Variants in NALF1 observed in about 807,000 individuals in gnomAD.
NALF1 encodes NALCN channel auxiliary factor 1.
In NALF1, 3 loss-of-function variants were observed where a neutral mutation model predicts 48.4. The ratio of observed to expected loss-of-function variants is 0.06; its 90% CI spans 0.03 to 0.16. NALF1 has a LOEUF of 0.16. Among genes scored for constraint, NALF1 ranks in the 10% least tolerant of loss-of-function variants. The probability of loss-of-function intolerance (pLI) is 1.00; values close to 1 mark genes in which losing one functional copy is unlikely to be tolerated. For missense variants in NALF1, 526 were observed against 571.5 expected, an observed-to-expected ratio of 0.92 and a Z score of 0.81; for synonymous variants, 262 against 245.7, an observed-to-expected ratio of 1.07 and a Z score of -0.62.
chr13:107,675,559 T>C (rs548444222), intron 1 of NALF1, among the ~76,000 whole-genome samples: 8 of 152,230 alleles, frequency 5.3e-5, no homozygotes, highest in Admixed American at 5.2e-4. Context: ...ATTGAAGTCC[T>C]CAAATAAGTG....
intron 1 of NALF1, among the ~76,000 whole-genome samples, chr13:107,820,032 T>C (rs1378334477): frequency 2.0e-5 from 3 of 152,148 alleles, no homozygotes; most frequent in African/African-American, 7.2e-5. Context: ...CTTCAGACAC[T>C]GCTTTTCTTT....
At chr13:107,177,820 C>A (rs571917570) in intron 2 of NALF1, among the ~76,000 whole-genome samples, 2 of 152,316 alleles carry the variant, frequency 1.3e-5, no homozygotes, top group African/African-American at 4.8e-5. Flanking sequence ...GAGTCCAAGG[C>A]AGATGGATCA....
At chr13:107,455,659 C>A (rs778211874) in intron 1 of NALF1, among the ~76,000 whole-genome samples, 20 of 152,124 alleles carry the variant, frequency 1.3e-4, no homozygotes, top group Non-Finnish European at 2.5e-4. Context: ...AGAGTAGTTT[C>A]ACTGCCATAA....
intron 1 of NALF1, among the ~76,000 whole-genome samples, chr13:107,337,225 C>T (rs1448562152): frequency 2.0e-5 from 3 of 151,952 alleles, no homozygotes; most frequent in Non-Finnish European, 4.4e-5. Flanking sequence ...ATTTCCAGTG[C>T]TCAGACCCAA....
Position 107,169,557 on chromosome 13 carries a change from G to C in NALF1, c.*940C>G, listed in dbSNP as rs1422902731. The C allele has an allele frequency of 6.6e-6, 1 of 152,208 alleles. No individual in the cohort carries two copies. The highest frequency in any genetic ancestry group is 2.4e-5 in the African/African-American group (1 of 41,434). The allele number at this position is 152,208 out of a possible 1,614,324, so 9.4% of individuals were successfully genotyped here. On this transcript the variant is annotated 3_prime_UTR_variant, in exon 3 of 3. Coordinates refer to ENST00000375915, the MANE Select transcript of NALF1 (RefSeq NM_001080396.3). ...CCCCGCATCCTGATTCTAGATAGCT[G>C]CTCCTGTCCAACTGGACCAGCAAGA...
intron 1 of NALF1, among the ~76,000 whole-genome samples, chr13:107,218,770 G>C (rs571847428): frequency 7.2e-5 from 11 of 151,748 alleles, no homozygotes; most frequent in African/African-American, 2.4e-4. Flanking sequence ...GTCACACAAA[G>C]ATGGGGAATG....
chr13:107,830,825 T>C (rs1038851011), intron 1 of NALF1, among the ~76,000 whole-genome samples: 1 of 152,210 alleles, frequency 6.6e-6, no homozygotes, highest in African/African-American at 2.4e-5. Flanking sequence ...CCTTTGCCTT[T>C]TGTATTAAAC....
At chr13:107,418,623 G>A (rs564130523) in intron 1 of NALF1, among the ~76,000 whole-genome samples, 2 of 152,184 alleles carry the variant, frequency 1.3e-5, no homozygotes, top group South Asian at 4.1e-4. Context: ...ATGTCAGTGA[G>A]GTTTGGGGTA....
At chr13:107,415,285 T>C (rs971521196) in intron 1 of NALF1, among the ~76,000 whole-genome samples, 3 of 152,176 alleles carry the variant, frequency 2.0e-5, no homozygotes. Context: ...TCAAAGAATA[T>C]ATACACTTTC....
chr13:107,225,489 G>A (rs1212367201), intron 1 of NALF1, among the ~76,000 whole-genome samples: 2 of 151,998 alleles, frequency 1.3e-5, no homozygotes, highest in African/African-American at 4.8e-5. Context: ...GTTGCCCAGG[G>A]TGGTCTTGAA....
Position 107,509,968 on chromosome 13 carries a change from A to G in NALF1, c.916-299213T>C, listed in dbSNP as rs376676895. ...ACCACAGGTATGCGCCACCATGCCC[A>G]GCTAATTTTTCATGTACTTCATAGA... On this transcript the variant is annotated intron_variant, in intron 1 of 2. Transcript: ENST00000375915. 2.2e-4 allele frequency among the ~76,000 whole-genome samples: 34 copies of G among 152,100 alleles called. 1 individual carries two copies. The South Asian group carries it at 7.1e-3, about 32-fold the overall frequency.
chr13:107,482,654 T>C (rs1885271230), intron 1 of NALF1, among the ~76,000 whole-genome samples: 1 of 152,094 alleles, frequency 6.6e-6, no homozygotes, highest in Non-Finnish European at 1.5e-5. Flanking sequence ...TTTTCAGCAA[T>C]AGCATGGGAA....
rs572852474 is a variant in NALF1 at position 107,554,426 on chromosome 13, A to G, written c.915+311256T>C. Among the ~76,000 whole-genome samples, 277 of 152,310 alleles carry G rather than the reference A, an allele frequency of 1.8e-3. 1 individual carries two copies. Among genetic ancestry groups the G allele is most frequent in the Non-Finnish European group, 3.1e-3 (208 of 68,032 alleles). The stretch of plus-strand genomic sequence containing the variant: ...CTTCAAAAAGAGGGTGAAGAAGGTT[A>G]ATGCAGAGTTAGTCAGTTCTGCACA... On this transcript the variant is annotated intron_variant, in intron 1 of 2. Transcript: ENST00000375915.
At chr13:107,528,085 A>G (rs1876502713) in intron 1 of NALF1, among the ~76,000 whole-genome samples, 1 of 152,176 alleles carries the variant, frequency 6.6e-6, no homozygotes, top group Admixed American at 6.6e-5. Context: ...GCGAGTATAT[A>G]TAAACATAAA....
chr13:107,653,653 A>T (rs1425941712), intron 1 of NALF1, among the ~76,000 whole-genome samples: 1 of 152,060 alleles, frequency 6.6e-6, no homozygotes, highest in African/African-American at 2.4e-5. Context: ...CAAAAAGAAC[A>T]GGAATCTATG....
chr13:107,668,400 A>G (rs1219751170), intron 1 of NALF1, among the ~76,000 whole-genome samples: 1 of 151,888 alleles, frequency 6.6e-6, no homozygotes. Context: ...GGGTGAGTAC[A>G]GGGATCCGAA....
chr13:107,636,758 T>C (rs1879987833), intron 1 of NALF1, among the ~76,000 whole-genome samples: 1 of 151,794 alleles, frequency 6.6e-6, no homozygotes, highest in African/African-American at 2.4e-5. Context: ...ATTTTCTATT[T>C]TTCTTAATAC....
chr13:107,529,886 A>G (rs778997733), intron 1 of NALF1, among the ~76,000 whole-genome samples: 2 of 152,046 alleles, frequency 1.3e-5, no homozygotes, highest in Non-Finnish European at 2.9e-5. Flanking sequence ...ACATCCCTTC[A>G]TCTAGTGGCC....
At chr13:107,498,878 G>A (rs1260756312) in intron 1 of NALF1, among the ~76,000 whole-genome samples, 9 of 152,120 alleles carry the variant, frequency 5.9e-5, no homozygotes, top group Non-Finnish European at 1.3e-4. Flanking sequence ...ACAGCTAGAA[G>A]CGCAGTTTTC....
Sources: gnomAD v4.1 joint callset for allele counts (sites outside exome capture counted in the v4.1 genomes callset) on GRCh38, gnomAD v4.1.1 for gene constraint, MANE v1.5 for transcripts, NCBI Gene and HGNC (gene_info 2026-07-23, HGNC 2026-07-21) for gene names.